RERE: variants seen among roughly 807,000 people sequenced by gnomAD.
RERE encodes the protein arginine-glutamic acid dipeptide repeats.
Under a neutral mutation model 146.1 loss-of-function variants are expected in RERE, and 40 were observed. The ratio of observed to expected loss-of-function variants is 0.27; its 90% CI spans 0.21 to 0.36. RERE has a LOEUF of 0.36. Among genes scored for constraint, RERE ranks in the 10% least tolerant of loss-of-function variants. RERE has a pLI of 1.00. For missense variants in RERE, 1,933 were observed against 2,138.7 expected (o/e 0.90, Z 1.90); for synonymous variants, 1,003 against 866.0 (o/e 1.16, Z -2.78).
chr1:8,521,176 CAAAAAA>C (rs36115526), intron 7 of RERE, among the ~76,000 whole-genome samples: 6 of 109,976 alleles, frequency 5.5e-5, no homozygotes, highest in African/African-American at 2.1e-4. Context: ...TTCTTTTTTT[CAAAAAA>C]AAAAAAAAAA....
intron 12 of RERE, among the ~76,000 whole-genome samples, chr1:8,372,507 C>CATGTGTGTGTGTGTGTGTGTGTGT (rs1553157691): frequency 1.5e-5 from 2 of 131,764 alleles, no homozygotes; most frequent in African/African-American, 5.7e-5. Flanking sequence ...ACCATCAGGT[C>CATGTGTGTGTGTGTGTGTGTGTGT]GTGTGTGTGT....
rs1364979622 is a variant in RERE, at chr1:8,729,108, G to A, written c.-144-72667C>T. Among the ~76,000 whole-genome samples, 55 of 151,844 alleles carry A rather than the reference G, an allele frequency of 3.6e-4. 1 individual carries two copies. Among genetic ancestry groups the A allele is most frequent in the Non-Finnish European group, 2.9e-5 (2 of 67,968 alleles). On this transcript the variant is annotated intron_variant, in intron 1 of 22. Coordinates refer to ENST00000400908, the MANE Select transcript of RERE (RefSeq NM_001042681.2). ...GAACCCGGGAGGTGGAAGCTGCGGT[G>A]AGCTGAGATCGTGCCACACCATTGC... is the stretch of plus-strand genomic sequence containing the variant.
intron 3 of RERE, among the ~76,000 whole-genome samples, chr1:8,622,868 T>C (rs1646933178): frequency 6.6e-6 from 1 of 152,162 alleles, no homozygotes; most frequent in Admixed American, 6.5e-5. Context: ...AAAGATCTTT[T>C]CAAACTACAT....
chr1:8,720,269 C>CAA lies in RERE; in HGVS notation c.-144-63830_-144-63829dup, dbSNP rs34328284. ...GCCTGGCGGCAGCAAGACTCCATCT[C>CAA]AAAAAAAAAAAAAACAGCACAAGCA... On this transcript the variant is annotated intron_variant, in intron 1 of 22. Transcript: ENST00000400908. Among the ~76,000 whole-genome samples, 515 of 126,248 alleles carry CAA rather than the reference C, an allele frequency of 4.1e-3. 1 individual carries two copies. The highest frequency in any genetic ancestry group is 6.8e-3 in the African/African-American group (227 of 33,478). The allele number at this position is 126,248 out of a possible 152,430, so 82.8% of individuals were successfully genotyped here.
chr1:8,382,840 C>T (rs553069345), intron 12 of RERE, among the ~76,000 whole-genome samples: 1 of 152,140 alleles, frequency 6.6e-6, no homozygotes, highest in East Asian at 1.9e-4. Flanking sequence ...GCTGCCTCGC[C>T]ACGAGCTCCC....
chr1:8,602,349 C>T (rs1646643458), intron 4 of RERE, among the ~76,000 whole-genome samples: 3 of 151,000 alleles, frequency 2.0e-5, no homozygotes, highest in Admixed American at 2.0e-4. Flanking sequence ...TGAGACTGCG[C>T]CACTGCACTC....
intron 8 of RERE, among the ~76,000 whole-genome samples, chr1:8,505,160 G>A (rs1645233895): frequency 6.6e-6 from 1 of 152,170 alleles, no homozygotes; most frequent in Admixed American, 6.6e-5. Context: ...TTTAAGAGAT[G>A]TATCAACCAA....
At chr1:8,685,230 C>G (rs1639058296) in intron 1 of RERE, among the ~76,000 whole-genome samples, 1 of 152,142 alleles carries the variant, frequency 6.6e-6, no homozygotes. Context: ...TTTCCTGATT[C>G]AACAGTTTAC....
intron 1 of RERE, among the ~76,000 whole-genome samples, chr1:8,670,870 C>A (rs1444877195): frequency 6.6e-6 from 1 of 151,878 alleles, no homozygotes; most frequent in East Asian, 1.9e-4. Flanking sequence ...TAACAGACTC[C>A]CTCTGGCTCC....
intron 20 of RERE, 133 bp downstream of exon 20, chr1:8,358,063 C>T: frequency 6.9e-7 from 1 of 1,451,378 alleles, no homozygotes; most frequent in Admixed American, 2.3e-5. Context: ...ATGCTGAGCT[C>T]TTCTAAGATC....
intron 12 of RERE, among the ~76,000 whole-genome samples, chr1:8,376,461 T>C (rs1175976982): frequency 6.6e-6 from 1 of 152,200 alleles, no homozygotes; most frequent in African/African-American, 2.4e-5. Context: ...ATTATGCACA[T>C]GTCTATAGAA....
chr1:8,443,320 G>A (rs1326998295), intron 11 of RERE, among the ~76,000 whole-genome samples: 1 of 151,796 alleles, frequency 6.6e-6, no homozygotes, highest in East Asian at 1.9e-4. Context: ...AAATTAGCCC[G>A]GCATGATGGC....
intron 1 of RERE, among the ~76,000 whole-genome samples, chr1:8,727,206 G>A (rs544883477): frequency 1.4e-4 from 22 of 151,982 alleles, no homozygotes; most frequent in African/African-American, 4.1e-4. Flanking sequence ...GCAGTGGCGC[G>A]ATCTCGGCTC....
chr1:8,706,788 A>C (rs1639569067), intron 1 of RERE, among the ~76,000 whole-genome samples: 1 of 152,044 alleles, frequency 6.6e-6, no homozygotes, highest in Non-Finnish European at 1.5e-5. Context: ...TGGTGGGTGT[A>C]CTCCTCAAAG....
At chr1:8,758,869 G>A (rs887205515) in intron 1 of RERE, among the ~76,000 whole-genome samples, 1 of 151,492 alleles carries the variant, frequency 6.6e-6, no homozygotes, top group Non-Finnish European at 1.5e-5. Context: ...AAAAAAAAAT[G>A]TGAAGTAATA....
chr1:8,721,729 T>C (rs1218298828), intron 1 of RERE, among the ~76,000 whole-genome samples: 3 of 152,202 alleles, frequency 2.0e-5, no homozygotes, highest in African/African-American at 7.2e-5. Flanking sequence ...CTGGCCTCTA[T>C]TAGAAATTTT....
chr1:8,710,039 C>CTG (rs1268606557), intron 1 of RERE, among the ~76,000 whole-genome samples: 1 of 152,192 alleles, frequency 6.6e-6, no homozygotes, highest in Non-Finnish European at 1.5e-5. Context: ...CAAGTAGTCC[C>CTG]TGTCAAGCCT....
chr1:8,409,067 C>A (rs1643540175), intron 12 of RERE, among the ~76,000 whole-genome samples: 1 of 152,234 alleles, frequency 6.6e-6, no homozygotes, highest in Admixed American at 6.5e-5. Flanking sequence ...AAAGAACTGT[C>A]TTCTTTGTGG....
intron 1 of RERE, among the ~76,000 whole-genome samples, chr1:8,748,043 G>A (rs906206693): frequency 6.6e-6 from 1 of 152,158 alleles, no homozygotes; most frequent in Non-Finnish European, 1.5e-5. Context: ...CTCCCAAAGT[G>A]CTGGGATTAC....
Sources: allele counts gnomAD v4.1 joint callset (sites outside exome capture counted in the v4.1 genomes callset), GRCh38; gene constraint gnomAD v4.1.1; transcripts MANE v1.5; gene names NCBI Gene and HGNC (gene_info 2026-07-23, HGNC 2026-07-21).